Variants in ABI3BP observed in about 807,000 individuals in gnomAD.
The protein encoded by ABI3BP is target of Nesh-SH3.
In ABI3BP, 216 loss-of-function variants were observed where a neutral mutation model predicts 268.6. The observed-to-expected ratio is 0.80, with a 90% CI of 0.72 to 0.90. The LOEUF is 0.90. Among genes scored for constraint, ABI3BP ranks in the 40% least tolerant of loss-of-function variants. The probability of loss-of-function intolerance (pLI) is 0.00; values close to 1 mark genes in which losing one functional copy is unlikely to be tolerated. For missense variants in ABI3BP, 2,090 were observed against 2,182.4 expected (o/e 0.96, Z 0.84); for synonymous variants, 730 against 730.0 (o/e 1.00, Z 0.00).
intron 4 of ABI3BP, among the ~76,000 whole-genome samples, chr3:100,891,607 C>T (rs2044698334): frequency 6.6e-6 from 1 of 152,130 alleles, no homozygotes; most frequent in South Asian, 2.1e-4. Context: ...GTCAGTGTGA[C>T]CAGAATTTGT....
intron 31 of ABI3BP, 21 bp downstream of exon 31, chr3:100,832,243 A>C (rs1365137227): frequency 4.6e-6 from 7 of 1,533,606 alleles, no homozygotes; most frequent in East Asian, 2.4e-5. Flanking sequence ...GGATTCTACA[A>C]AACAGAAACT....
Position 100,825,802 on chromosome 3 carries a change from A to T in ABI3BP, c.2645T>A (p.Ile882Asn), listed in dbSNP as rs2152731576. Reference protein sequence around the residue: ...DLEPVTFRTEIPATTLATKTS... With the variant: ...DLEPVTFRTENPATTLATKTS... ...GTCGTTACCTAAGGTTGTTGCAGGG[A>T]TCTCAGTTCTAAAAGTAACAGGCTC... is the stretch of plus-strand genomic sequence containing the variant. The change falls in exon 35 of 68, where the codon ATC (isoleucine) becomes AAC (asparagine). Residue 882 changes from isoleucine (I) to asparagine (N), a missense_variant. Physicochemically the swap from Ile to Asn is moderately radical, Grantham distance 149. Coordinates refer to ENST00000471714, the MANE Select transcript of ABI3BP (RefSeq NM_001375547.2). 6.5e-7 allele frequency: 1 copy of T among 1,535,776 alleles called. No individual in the cohort carries two copies.
intron 3 of ABI3BP, among the ~76,000 whole-genome samples, chr3:100,900,823 AT>A (rs1310227352): frequency 2.0e-5 from 3 of 152,182 alleles, no homozygotes; most frequent in African/African-American, 7.2e-5. Flanking sequence ...AGATGAAGCA[AT>A]TTCCTGAGCT....
rs2096649317 is a variant in ABI3BP, at chr3:100,774,628, G to A, written c.4508C>T (p.Pro1503Leu). Residue 1503 changes from proline (P) to leucine (L), a missense_variant, in exon 61 of 68, where the codon CCT (proline) becomes CTT (leucine). Transcript: ENST00000471714. ...FSSSPTRETD[P>L]LGKPRFKGPH... ...ACCTTTGAATCTTGGCTTCCCAAGA[G>A]GATCAGTTTCTCTTGTTGGGCTTGA... The A allele has an allele frequency of 3.8e-6, 6 of 1,585,944 alleles. No homozygotes were observed. Among genetic ancestry groups the A allele is most frequent in the Non-Finnish European group, 5.1e-6 (6 of 1,165,600 alleles).
rs765831278 is a variant in ABI3BP, at chr3:100,751,671, T to A, written c.5126A>T (p.Lys1709Ile). Residue 1709 changes from lysine to isoleucine, a missense_variant, in exon 67 of 68, where the codon AAA (lysine) becomes ATA (isoleucine). Coordinates refer to ENST00000471714, the MANE Select transcript of ABI3BP (RefSeq NM_001375547.2). Reference sequence around the variant, plus strand: ...CCTCTGATCACCTATGTTATAAAATTTTCCTGAAGAACCAGAAATTAAAAG... The same window carrying A: ...CCTCTGATCACCTATGTTATAAAATATTCCTGAAGAACCAGAAATTAAAAG... ...KIYLSDSLTG[K>I]FYNIGDQRGH... 1.6e-5 allele frequency: 26 copies of A among 1,588,076 alleles called. No individual in the cohort carries two copies. Among genetic ancestry groups the A allele is most frequent in the Non-Finnish European group, 2.1e-5 (25 of 1,168,596 alleles).
chr3:100,955,350 A>G (rs2076454641), intron 1 of ABI3BP, among the ~76,000 whole-genome samples: 1 of 152,138 alleles, frequency 6.6e-6, no homozygotes, highest in Non-Finnish European at 1.5e-5. Flanking sequence ...GAAGATGAAT[A>G]CTTTCACAAA....
In ABI3BP at chr3:100,778,326, G is replaced by T. The variant is rs759883953; in HGVS notation, c.4291C>A (p.Pro1431Thr). The T allele has an allele frequency of 1.2e-6, 2 of 1,613,796 alleles. No homozygotes were observed. The highest frequency in any genetic ancestry group is 1.1e-5 in the South Asian group (1 of 91,054). The change falls in exon 59 of 68, where the codon CCT (proline) becomes ACT (threonine). Residue 1431 changes from proline to threonine, a missense_variant. Transcript: ENST00000471714. ...CCAGTGACATTATTTGGTGGTAAAG[G>T]TTTTCTTCGTGGGTGTGTAGGTCTG... ...PPRPTHPRRK[P>T]LPPNNVTGKP... is the part of the protein sequence containing the mutation.
At position 100,750,277 on chromosome 3, in the gene ABI3BP, A is replaced by T; in HGVS notation, c.*218T>A. Reference sequence around the variant, plus strand: ...GGGAGCCAGCTTCCCCAAAAATGTTATTCTGTTAACATCAGTATCTTGCTT... The same window carrying T: ...GGGAGCCAGCTTCCCCAAAAATGTTTTTCTGTTAACATCAGTATCTTGCTT... On this transcript the variant is annotated 3_prime_UTR_variant, in exon 68 of 68. Transcript: ENST00000471714. 2.5e-6 allele frequency: 1 copy of T among 393,610 alleles called. No individual in the cohort carries two copies. Among genetic ancestry groups the T allele is most frequent in the Non-Finnish European group, 4.5e-6 (1 of 221,758 alleles). 24.4% of individuals were successfully genotyped at this position (393,610 alleles called of 1,614,324 possible). A position where few individuals can be genotyped will look rare whatever the true frequency, so the allele number is the denominator to read the frequency against.
At chr3:100,873,607 T>C (rs1425542257) in intron 9 of ABI3BP, among the ~76,000 whole-genome samples, 1 of 152,206 alleles carries the variant, frequency 6.6e-6, no homozygotes, top group African/African-American at 2.4e-5. Context: ...CCCCAGCCTA[T>C]TGTTATGTTT....
intron 61 of ABI3BP, among the ~76,000 whole-genome samples, chr3:100,771,876 T>A (rs2096556280): frequency 6.6e-6 from 1 of 152,034 alleles, no homozygotes; most frequent in Non-Finnish European, 1.5e-5. Flanking sequence ...CCAAATATGA[T>A]AAAACTTCTA....
At chr3:100,969,123 C>T (rs2082480775) in intron 1 of ABI3BP, among the ~76,000 whole-genome samples, 1 of 152,116 alleles carries the variant, frequency 6.6e-6, no homozygotes, top group African/African-American at 2.4e-5. Context: ...GTGATGCAAA[C>T]CATGAAGCAA....
rs901720785 is a variant in ABI3BP, at chr3:100,812,501, A to C, written c.3387T>G (p.Val1129=). 1.9e-5 allele frequency: 26 copies of C among 1,333,468 alleles called. No individual in the cohort carries two copies. Among genetic ancestry groups the C allele is most frequent in the Admixed American group, 3.4e-5 (1 of 29,056 alleles). The allele number at this position is 1,333,468 out of a possible 1,614,324, so 82.6% of individuals were successfully genotyped here. A position where few individuals can be genotyped will look rare whatever the true frequency, so the allele number is the denominator to read the frequency against. ...SQPVSDVLES[V]TLSTESPKET... ...CCTTTGGTGACTCAGTACTAAGTGTAACCGATTCCAGAACATCAGAAACTA... is the reference window on the plus strand; with the variant it reads ...CCTTTGGTGACTCAGTACTAAGTGTCACCGATTCCAGAACATCAGAAACTA... The change falls in exon 46 of 68, where the codon GTT becomes GTG. Residue 1129 remains valine, a synonymous_variant. Coordinates refer to ENST00000471714, the MANE Select transcript of ABI3BP (RefSeq NM_001375547.2).
At chr3:100,768,747 T>A (rs527321227) in intron 62 of ABI3BP, among the ~76,000 whole-genome samples, 14 of 152,344 alleles carry the variant, frequency 9.2e-5, no homozygotes, top group Admixed American at 2.6e-4. Flanking sequence ...AACAGTCTAA[T>A]TTTATACACA....
intron 6 of ABI3BP, among the ~76,000 whole-genome samples, chr3:100,878,505 T>C (rs944385144): frequency 1.1e-4 from 17 of 152,226 alleles, no homozygotes; most frequent in Non-Finnish European, 2.1e-4. Context: ...TATTGATAAC[T>C]AGAGGAATGA....
chr3:100,883,905 C>T (rs949049842), intron 6 of ABI3BP, among the ~76,000 whole-genome samples: 1 of 152,044 alleles, frequency 6.6e-6, no homozygotes, highest in South Asian at 2.1e-4. Flanking sequence ...AACTTAAATG[C>T]CTACAAATTG....
rs575137314 is a variant in ABI3BP, at chr3:100,806,817, GA to G, written c.3682+1343del. 4.8e-3 allele frequency among the ~76,000 whole-genome samples: 734 copies of G among 152,148 alleles called. 10 individuals are homozygous for G. The highest frequency in any genetic ancestry group is 0.016 in the African/African-American group (664 of 41,548). On this transcript the variant is annotated intron_variant, in intron 50 of 67. Coordinates refer to ENST00000471714, the MANE Select transcript of ABI3BP (RefSeq NM_001375547.2). ...TATTCTGAAGAGCCTGTCTTGTCAA[GA>G]AAGGTTGGCTAAAAGTCTAAGTCAA...
Position 100,834,568 on chromosome 3 carries a change from A to G in ABI3BP, c.2281+116T>C, listed in dbSNP as rs2098546532. The G allele has an allele frequency of 7.8e-6, 7 of 896,302 alleles. No individual in the cohort carries two copies. In the Admixed American group the frequency reaches 1.5e-4, roughly 20 times the overall value. The allele number at this position is 896,302 out of a possible 1,614,324, so 55.5% of individuals were successfully genotyped here. Reference sequence around the variant, plus strand: ...ACTGTGTTGGTAGCAGCTGCTTTCCATGACTTGGGCCTTCACCCCAAGGGT... The same window carrying G: ...ACTGTGTTGGTAGCAGCTGCTTTCCGTGACTTGGGCCTTCACCCCAAGGGT... On this transcript the variant is annotated intron_variant, in intron 29 of 67. Transcript: ENST00000471714.
At chr3:100,786,260 G>T (rs2097040589) in intron 57 of ABI3BP, among the ~76,000 whole-genome samples, 1 of 152,128 alleles carries the variant, frequency 6.6e-6, no homozygotes, top group South Asian at 2.1e-4. Context: ...GTCTACCTGT[G>T]CCCACCAGCC....
Position 100,750,429 on chromosome 3 carries a change from T to C in ABI3BP, c.*66A>G. The C allele has an allele frequency of 2.4e-6, 3 of 1,247,358 alleles. No homozygotes were observed. The allele number at this position is 1,247,358 out of a possible 1,614,324, so 77.3% of individuals were successfully genotyped here. Reference sequence around the variant, plus strand: ...AGTAAACAAAATAGCTTTAAATGAATGCGGCATAGTATTTTCAATGATTTT... The same window carrying C: ...AGTAAACAAAATAGCTTTAAATGAACGCGGCATAGTATTTTCAATGATTTT... On this transcript the variant is annotated 3_prime_UTR_variant, in exon 68 of 68. Coordinates refer to ENST00000471714, the MANE Select transcript of ABI3BP (RefSeq NM_001375547.2).
Sources: gnomAD v4.1 joint callset for allele counts (sites outside exome capture counted in the v4.1 genomes callset) on GRCh38, gnomAD v4.1.1 for gene constraint, MANE v1.5 for transcripts, NCBI Gene and HGNC (gene_info 2026-07-23, HGNC 2026-07-21) for gene names.